The following CSRP2 variants were observed in gnomAD, a reference collection of about 807,000 sequenced individuals.
The protein encoded by CSRP2 is cysteine and glycine rich protein 2.
Under a neutral mutation model 24.6 loss-of-function variants are expected in CSRP2, and 18 were observed. That is an observed-to-expected ratio of 0.73 (90% confidence interval 0.51 to 1.09). The LOEUF (loss-of-function observed/expected upper bound fraction) is 1.09, where lower values mean the gene tolerates loss of function less well. Ranked by LOEUF, CSRP2 falls within the 50% of genes least tolerant of loss-of-function variation. The pLI is 0.00. For synonymous variants in CSRP2, 87 were observed against 84.3 expected (o/e 1.03, Z -0.18); for missense variants, 215 against 239.4 (o/e 0.90, Z 0.67).
intron 1 of CSRP2, among the ~76,000 whole-genome samples, chr12:76,870,511 T>A (rs767191097): frequency 6.6e-6 from 1 of 152,192 alleles, no homozygotes; most frequent in Non-Finnish European, 1.5e-5. Flanking sequence ...AAGTTTCTGG[T>A]CCCTTGATGG....
At chr12:76,860,486 A>T in intron 3 of CSRP2, 73 bp from the exon 4 acceptor site, 1 of 1,553,676 alleles carries the variant, frequency 6.4e-7, no homozygotes. Context: ...GGCAGGAACA[A>T]TAGAACTCTG....
Position 76,869,533 on chromosome 12 carries a change from C to CACAT in CSRP2, c.-1-3273_-1-3272insATGT, listed in dbSNP as rs534935265. Among the ~76,000 whole-genome samples the CACAT allele has an allele frequency of 4.1e-4, 33 of 79,642 alleles. No homozygotes were observed. The South Asian group carries it at 0.011, about 27-fold the overall frequency. 52.2% of individuals were successfully genotyped at this position (79,642 alleles called of 152,430 possible). A position where few individuals can be genotyped will look rare whatever the true frequency, so the allele number is the denominator to read the frequency against. On this transcript the variant is annotated intron_variant, in intron 1 of 5. Transcript: ENST00000311083. ...CTCCTGTTCCTTAAAACAAACAACA[C>CACAT]ACACACACACACACACACACACACA...
At position 76,862,532 on chromosome 12, in the gene CSRP2, T is replaced by G. The variant is rs562176875; in HGVS notation, c.281+644A>C. Reference sequence around the variant, plus strand: ...CTCCAGCTTGGGTGACAGAGTGAGATTCTGTGACAAAAAAGAAAAAAAAAA... The same window carrying G: ...CTCCAGCTTGGGTGACAGAGTGAGAGTCTGTGACAAAAAAGAAAAAAAAAA... On this transcript the variant is annotated intron_variant, in intron 3 of 5. Coordinates refer to ENST00000311083, the MANE Select transcript of CSRP2 (RefSeq NM_001321.3). The G allele has an allele frequency of 9.5e-4, 232 of 243,420 alleles. 4 individuals carry two copies. The highest frequency in any genetic ancestry group is 3.0e-3 in the Middle Eastern group (2 of 656). 15.1% of individuals were successfully genotyped at this position (243,420 alleles called of 1,614,324 possible).
At chr12:76,862,820 A>G in intron 3 of CSRP2, 1 of 1,499,806 alleles carries the variant, frequency 6.7e-7, no homozygotes, top group Middle Eastern at 1.7e-4. Flanking sequence ...ATTGCACATG[A>G]GAAACACCTC....
At chr12:76,869,892 C>T (rs1953780009) in intron 1 of CSRP2, among the ~76,000 whole-genome samples, 1 of 152,208 alleles carries the variant, frequency 6.6e-6, no homozygotes, top group South Asian at 2.1e-4. Flanking sequence ...TGCACTGACC[C>T]GTGTTTGTAG....
At chr12:76,866,935 A>G (rs144956312) in intron 1 of CSRP2, among the ~76,000 whole-genome samples, 1,673 of 152,284 alleles carry the variant, frequency 0.011, 11 homozygotes, top group Non-Finnish European at 0.017. Context: ...TCTATGCTTC[A>G]CTAACCCCAA....
chr12:76,861,346 G>GTC (rs1953674866), intron 3 of CSRP2: 1 of 108,758 alleles, frequency 9.2e-6, no homozygotes, highest in African/African-American at 3.4e-5. Flanking sequence ...GCAAGACCCT[G>GTC]TCTATATATA....
intron 3 of CSRP2, chr12:76,861,840 A>T (rs969451715): frequency 6.6e-6 from 1 of 152,238 alleles, no homozygotes; most frequent in African/African-American, 2.4e-5. Context: ...ATTATACAGA[A>T]TGAAGATAAA....
At chr12:76,861,209 T>A (rs191148579) in intron 3 of CSRP2, 47 of 151,974 alleles carry the variant, frequency 3.1e-4, no homozygotes, top group African/African-American at 1.1e-3. Context: ...GCTGAGCAGA[T>A]AAAATGATAG....
intron 1 of CSRP2, among the ~76,000 whole-genome samples, chr12:76,875,058 C>G (rs529026306): frequency 6.6e-6 from 1 of 152,282 alleles, no homozygotes; most frequent in South Asian, 2.1e-4. Context: ...CCTCAAAACT[C>G]CCATATCTGA....
At chr12:76,874,203 GAA>G (rs1953830001) in intron 1 of CSRP2, among the ~76,000 whole-genome samples, 1 of 152,240 alleles carries the variant, frequency 6.6e-6, no homozygotes, top group Non-Finnish European at 1.5e-5. Context: ...ACTACGTTGA[GAA>G]AGATTCTGAA....
chr12:76,869,320 G>A (rs1252377298), intron 1 of CSRP2, among the ~76,000 whole-genome samples: 3 of 152,034 alleles, frequency 2.0e-5, no homozygotes, highest in African/African-American at 4.8e-5. Flanking sequence ...AACTCCCAAC[G>A]TTGTTGCATT....
chr12:76,860,234 G>C, intron 4 of CSRP2, 50 bp downstream of exon 4: 1 of 1,592,478 alleles, frequency 6.3e-7, no homozygotes, highest in Non-Finnish European at 8.6e-7. Flanking sequence ...AGGGGAGAAA[G>C]GGAGCAGAGA....
chr12:76,876,548 G>A lies in CSRP2; in HGVS notation c.-2+2390C>T, dbSNP rs73129329. Among the ~76,000 whole-genome samples the A allele has an allele frequency of 8.9e-3, 1,349 of 152,236 alleles. 12 individuals carry two copies. The highest frequency in any genetic ancestry group is 0.014 in the Non-Finnish European group (931 of 68,022). On this transcript the variant is annotated intron_variant, in intron 1 of 5. Coordinates refer to ENST00000311083, the MANE Select transcript of CSRP2 (RefSeq NM_001321.3). The stretch of plus-strand genomic sequence containing the variant: ...CTTGGTACCACATACTTTATGTTAC[G>A]TCATTTTGAGAAGGGGTCTGGAGGC...
At chr12:76,867,128 T>C (rs1953743661) in intron 1 of CSRP2, among the ~76,000 whole-genome samples, 4 of 152,130 alleles carry the variant, frequency 2.6e-5, no homozygotes, top group Admixed American at 2.0e-4. Context: ...GGTGTCTCAC[T>C]GTCATGTAGG....
Position 76,858,813 on chromosome 12 carries a change from TAGCC to T in CSRP2, c.*135_*138del. The stretch of plus-strand genomic sequence containing the variant: ...CATACAGTGCTCTCTTCCTACGAGT[TAGCC>T]AGCCTATCCAAGTACAGGGCGATAT... On this transcript the variant is annotated 3_prime_UTR_variant, in exon 6 of 6. Coordinates refer to ENST00000311083, the MANE Select transcript of CSRP2 (RefSeq NM_001321.3). 4.3e-6 allele frequency: 3 copies of T among 695,364 alleles called. No individual in the cohort carries two copies. The Admixed American group carries it at 8.0e-5, about 18-fold the overall frequency. The allele number at this position is 695,364 out of a possible 1,614,324, so 43.1% of individuals were successfully genotyped here.
At chr12:76,863,077 T>A (rs755029072) in intron 3 of CSRP2, 99 bp downstream of exon 3, 1 of 1,492,902 alleles carries the variant, frequency 6.7e-7, no homozygotes, top group African/African-American at 1.4e-5. Context: ...ATTTGCTTAG[T>A]TTCAACTAAA....
At chr12:76,869,545 C>CACACACACACAA (rs1565826463) in intron 1 of CSRP2, among the ~76,000 whole-genome samples, 7 of 137,672 alleles carry the variant, frequency 5.1e-5, no homozygotes, top group Admixed American at 2.1e-4. Context: ...CACACACACA[C>CACACACACACAA]ACACACACAC....
chr12:76,872,006 G>C (rs1308587855), intron 1 of CSRP2, among the ~76,000 whole-genome samples: 1 of 152,050 alleles, frequency 6.6e-6, no homozygotes, highest in Non-Finnish European at 1.5e-5. Flanking sequence ...TAAGCAATCT[G>C]GGCTGCATGC....
Sources: allele counts gnomAD v4.1 joint callset (sites outside exome capture counted in the v4.1 genomes callset), GRCh38; gene constraint gnomAD v4.1.1; transcripts MANE v1.5; gene names NCBI Gene and HGNC (gene_info 2026-07-23, HGNC 2026-07-21).